Variants in ICE1 observed in about 807,000 individuals in gnomAD.
ICE1 encodes interactor of little elongation complex ELL subunit 1.
In ICE1, 64 loss-of-function variants were observed where a neutral mutation model predicts 192.7. The observed-to-expected ratio is 0.33, with a 90% confidence interval of 0.27 to 0.41. The LOEUF (loss-of-function observed/expected upper bound fraction) is 0.41, where lower values mean the gene tolerates loss of function less well. Ranked by LOEUF, ICE1 falls within the 10% of genes least tolerant of loss-of-function variation. The probability of loss-of-function intolerance (pLI) is 1.00; values close to 1 mark genes in which losing one functional copy is unlikely to be tolerated. For missense variants in ICE1, 2,708 were observed against 2,696.0 expected (o/e 1.00, Z -0.10); for synonymous variants, 1,010 against 984.5 (o/e 1.03, Z -0.49).
At position 5,463,060 on chromosome 5, in the gene ICE1, T is replaced by C. The variant is rs1738850391; in HGVS notation, c.3726T>C (p.Asp1242=). 1 of 1,613,642 alleles carries C rather than the reference T, an allele frequency of 6.2e-7. No homozygotes were observed. Among genetic ancestry groups the C allele is most frequent in the African/African-American group, 1.3e-5 (1 of 74,910 alleles). Residue 1242 remains aspartate (D), a synonymous_variant, in exon 13 of 19, where the codon GAT becomes GAC. Coordinates refer to ENST00000296564, the MANE Select transcript of ICE1 (RefSeq NM_015325.3). ...CEEWIESEED[D]YSLKNTSQLT... ...AGTGGATTGAATCAGAGGAAGATGATTATTCGTTAAAAAATACAAGTCAGC... is the reference window on the plus strand; with the variant it reads ...AGTGGATTGAATCAGAGGAAGATGACTATTCGTTAAAAAATACAAGTCAGC...
At chr5:5,424,775 C>A (rs1375668158) in intron 1 of ICE1, among the ~76,000 whole-genome samples, 1 of 152,098 alleles carries the variant, frequency 6.6e-6, no homozygotes, top group Non-Finnish European at 1.5e-5. Context: ...GAAAAGTCTC[C>A]CATACAGTGG....
intron 1 of ICE1, among the ~76,000 whole-genome samples, chr5:5,426,890 T>C (rs763057941): frequency 1.3e-5 from 2 of 152,196 alleles, no homozygotes; most frequent in African/African-American, 2.4e-5. Context: ...AGAGAAGATA[T>C]TCTGTGCTAT....
At chr5:5,460,016 G>A (rs529947606) in intron 12 of ICE1, among the ~76,000 whole-genome samples, 5 of 152,276 alleles carry the variant, frequency 3.3e-5, no homozygotes, top group Admixed American at 2.6e-4. Flanking sequence ...GCTGTACCGG[G>A]CACAAGTCAG....
chr5:5,468,198 A>G (rs1394269316), intron 14 of ICE1, among the ~76,000 whole-genome samples: 2 of 152,228 alleles, frequency 1.3e-5, no homozygotes, highest in East Asian at 1.9e-4. Context: ...TATTTGAGAA[A>G]AGGCAAACTA....
At position 5,457,095 on chromosome 5, in the gene ICE1, G is replaced by A. The variant is rs546287237; in HGVS notation, c.692-237G>A. Reference sequence around the variant, plus strand: ...CAGCTGTGTCATCCATCCACCCACCGGTCCATCTCACCTGTCTGTCTCACT... The same window carrying A: ...CAGCTGTGTCATCCATCCACCCACCAGTCCATCTCACCTGTCTGTCTCACT... On this transcript the variant is annotated intron_variant, in intron 11 of 18. Transcript: ENST00000296564. 7.2e-5 allele frequency among the ~76,000 whole-genome samples: 11 copies of A among 152,140 alleles called. No homozygotes were observed. In the East Asian group the frequency reaches 1.4e-3, roughly 19 times the overall value.
At chr5:5,428,286 A>G (rs1444908033) in intron 1 of ICE1, among the ~76,000 whole-genome samples, 3 of 152,102 alleles carry the variant, frequency 2.0e-5, no homozygotes, top group African/African-American at 7.2e-5. Context: ...AGGTTTTAAC[A>G]GGTGAGAAGA....
At position 5,464,803 on chromosome 5, in the gene ICE1, A is replaced by C; in HGVS notation, c.5469A>C (p.Arg1823Ser). The C allele has an allele frequency of 6.2e-7, 1 of 1,613,794 alleles. No individual in the cohort carries two copies. Residue 1823 changes from arginine to serine, a missense_variant, in exon 13 of 19, where the codon AGA (arginine) becomes AGC (serine). Transcript: ENST00000296564. This position sits in a 1 kb window ranked among gnomAD's most constrained non-coding sequence, Gnocchi z 4.0. ...GTGACTGTAACCAAGACAAGTCAAG[A>C]GATTTGGGGACTCAGCAGGATTCAA... ...SGGDCNQDKS[R>S]DLGTQQDSSG... is the part of the protein sequence containing the mutation.
In ICE1 at chr5:5,464,303, T is replaced by G. The variant is rs769859972; in HGVS notation, c.4969T>G (p.Ser1657Ala). The G allele has an allele frequency of 2.2e-5, 36 of 1,613,488 alleles. No individual in the cohort carries two copies. The highest frequency in any genetic ancestry group is 2.7e-5 in the Non-Finnish European group (32 of 1,179,814). The part of the protein sequence containing the change: ...SQPLSPLISS[S>A]SPSSPASPVG... ...GCCACTGTCTCCACTGATATCGAGTTCTAGTCCTTCCTCACCAGCCTCTCC... is the reference window on the plus strand; with the variant it reads ...GCCACTGTCTCCACTGATATCGAGTGCTAGTCCTTCCTCACCAGCCTCTCC... The change falls in exon 13 of 19, where the codon TCT (serine) becomes GCT (alanine). Residue 1657 changes from serine to alanine, a missense_variant. Coordinates refer to ENST00000296564, the MANE Select transcript of ICE1 (RefSeq NM_015325.3). The surrounding 1 kb of genome is among the most constrained non-coding windows in gnomAD (Gnocchi z 4.0).
At position 5,448,364 on chromosome 5, in the gene ICE1, T is replaced by C. The variant is rs570768396; in HGVS notation, c.604+467T>C. 5.3e-5 allele frequency among the ~76,000 whole-genome samples: 8 copies of C among 152,234 alleles called. No homozygotes were observed. In the South Asian group the frequency reaches 8.3e-4, roughly 16 times the overall value. On this transcript the variant is annotated intron_variant, in intron 10 of 18. Coordinates refer to ENST00000296564, the MANE Select transcript of ICE1 (RefSeq NM_015325.3). ...GAAGGCCCACAATTGCAAAGAAAAG[T>C]GGTGGTCACGGAACAAGGGAATGTC...
At chr5:5,432,240 T>C (rs1407322486) in intron 1 of ICE1, among the ~76,000 whole-genome samples, 1 of 152,186 alleles carries the variant, frequency 6.6e-6, no homozygotes, top group Non-Finnish European at 1.5e-5. Flanking sequence ...CTGGATTACT[T>C]TTGGCTCTGT....
intron 15 of ICE1, 57 bp from the exon 16 acceptor site, chr5:5,473,501 G>A (rs1561097017): frequency 1.4e-6 from 2 of 1,424,590 alleles, no homozygotes; most frequent in Admixed American, 2.1e-5. Context: ...GATAACTAAG[G>A]TAAGATGCAT....
At chr5:5,444,952 C>G (rs1192667546) in intron 7 of ICE1, among the ~76,000 whole-genome samples, 1 of 152,096 alleles carries the variant, frequency 6.6e-6, no homozygotes, top group Non-Finnish European at 1.5e-5. Context: ...GCTTTTTCCT[C>G]CCTTCATTGT....
In ICE1 at chr5:5,464,880, G is replaced by A. The variant is rs757017386; in HGVS notation, c.5546G>A (p.Arg1849His). The change falls in exon 13 of 19, where the codon CGC (arginine) becomes CAC (histidine). Residue 1849 changes from arginine (R) to histidine (H), a missense_variant. This residue lies in a region of ICE1 where 2,366 missense variants were observed against 2,276.6 expected (regional missense o/e 1.04). Transcript: ENST00000296564. This position sits in a 1 kb window ranked among gnomAD's most constrained non-coding sequence, Gnocchi z 4.0. The part of the protein sequence containing the change: ...TSTLRSAKRL[R>H]LDTGSPEPET... ...ACACTGAGAAGTGCTAAAAGACTGCGCCTGGACACTGGGTCCCCAGAACCA... is the reference window on the plus strand; with the variant it reads ...ACACTGAGAAGTGCTAAAAGACTGCACCTGGACACTGGGTCCCCAGAACCA... 1.1e-5 allele frequency: 17 copies of A among 1,613,100 alleles called. No homozygotes were observed. The highest frequency in any genetic ancestry group is 2.7e-5 in the African/African-American group (2 of 74,880).
chr5:5,475,793 A>G (rs998382912), intron 16 of ICE1, among the ~76,000 whole-genome samples, 180 bp from the exon 17 acceptor site: 2 of 152,236 alleles, frequency 1.3e-5, no homozygotes, highest in Non-Finnish European at 2.9e-5. Context: ...TTAAGCTAGC[A>G]TGGGCACAAC....
intron 12 of ICE1, among the ~76,000 whole-genome samples, chr5:5,458,080 T>C (rs949490662): frequency 6.6e-6 from 1 of 152,234 alleles, no homozygotes; most frequent in Non-Finnish European, 1.5e-5. Context: ...TGGAGTTATA[T>C]AGTGACAGGA....
chr5:5,478,468 A>G (rs1739404359), intron 17 of ICE1, among the ~76,000 whole-genome samples: 2 of 152,230 alleles, frequency 1.3e-5, no homozygotes, highest in Non-Finnish European at 2.9e-5. Flanking sequence ...ACACAAATGG[A>G]AAAACATTTC....
intron 17 of ICE1, among the ~76,000 whole-genome samples, chr5:5,482,348 TTAACA>T (rs1739526614): frequency 1.3e-5 from 2 of 152,324 alleles, no homozygotes; most frequent in African/African-American, 4.8e-5. Context: ...TAATGTGTAA[TTAACA>T]TAATATATAA....
At chr5:5,443,869 G>A (rs1738123014) in intron 6 of ICE1, among the ~76,000 whole-genome samples, 1 of 152,214 alleles carries the variant, frequency 6.6e-6, no homozygotes. Context: ...TAAAGCAAGT[G>A]TAGCTCTTCA....
chr5:5,467,924 AAC>A (rs1387078221), intron 14 of ICE1, among the ~76,000 whole-genome samples: 11 of 152,334 alleles, frequency 7.2e-5, no homozygotes, highest in African/African-American at 2.6e-4. Flanking sequence ...ACGCAGCAGA[AAC>A]ACAGAGTTAG....
Sources: allele counts gnomAD v4.1 joint callset (sites outside exome capture counted in the v4.1 genomes callset), GRCh38; gene constraint gnomAD v4.1.1; regional missense constraint gnomAD v4.1.1; non-coding constraint Gnocchi (gnomAD v3.1); transcripts MANE v1.5; gene names NCBI Gene and HGNC (gene_info 2026-07-23, HGNC 2026-07-21).